Variants in GULP1 observed in about 807,000 individuals in gnomAD.
GULP1 encodes the protein PTB domain-containing engulfment adapter protein 1.
GULP1 carries 19 observed loss-of-function variants against 40.9 expected under a neutral mutation model. The ratio of observed to expected loss-of-function variants is 0.46; its 90% CI spans 0.32 to 0.68. GULP1 has a LOEUF of 0.68. Ranked by LOEUF, GULP1 falls within the 30% of genes least tolerant of loss-of-function variation. The pLI is 0.03. For synonymous variants in GULP1, 119 were observed against 117.6 expected (o/e 1.01, Z -0.08); for missense variants, 312 against 362.2 (o/e 0.86, Z 1.12).
intron 4 of GULP1, among the ~76,000 whole-genome samples, chr2:188,509,887 G>T (rs1250952237): frequency 6.6e-6 from 1 of 152,092 alleles, no homozygotes; most frequent in Non-Finnish European, 1.5e-5. Context: ...TGTGGCAGCA[G>T]GTCAGAGGTT....
intron 1 of GULP1, chr2:188,294,416 C>T (rs1379131146): frequency 1.3e-5 from 2 of 152,188 alleles, no homozygotes; most frequent in Non-Finnish European, 2.9e-5. Context: ...CAGTATTTCA[C>T]ACATTTGCCC....
rs754573431 is a variant in GULP1, at chr2:188,520,527, T to TA, written c.91-2208dup. On this transcript the variant is annotated intron_variant, in intron 4 of 11. Coordinates refer to ENST00000409830, the MANE Select transcript of GULP1 (RefSeq NM_016315.4). ...CCTGGAAACACAGCGAGACTCCATC[T>TA]AAAAAAAAAAAAAAAAAAAAAGTAA... is the stretch of plus-strand genomic sequence containing the variant. 5.8e-3 allele frequency among the ~76,000 whole-genome samples: 538 copies of TA among 92,318 alleles called. 3 individuals are homozygous for TA. Among genetic ancestry groups the TA allele is most frequent in the East Asian group, 0.026 (81 of 3,100 alleles). The allele number at this position is 92,318 out of a possible 152,430, so 60.6% of individuals were successfully genotyped here.
rs953371525 is a variant in GULP1 at position 188,541,341 on chromosome 2, G to A, written c.399+23G>A. Reference sequence around the variant, plus strand: ...TGTGTAAGTATCCCAGATGTTGTAGGGTGGTTTGTTCTGTTTTATAAGCCA... The same window carrying A: ...TGTGTAAGTATCCCAGATGTTGTAGAGTGGTTTGTTCTGTTTTATAAGCCA... On this transcript the variant is annotated intron_variant, in intron 7 of 11. Transcript: ENST00000409830. 6.2e-6 allele frequency: 10 copies of A among 1,607,150 alleles called. No homozygotes were observed. The African/African-American group carries it at 6.7e-5, about 11-fold the overall frequency.
At chr2:188,505,310 C>T (rs908658958) in intron 4 of GULP1, among the ~76,000 whole-genome samples, 1 of 151,710 alleles carries the variant, frequency 6.6e-6, no homozygotes, top group African/African-American at 2.4e-5. Flanking sequence ...CTCCTTTTCT[C>T]TTCCCTAAAA....
chr2:188,355,795 A>T (rs950825552), intron 1 of GULP1, among the ~76,000 whole-genome samples: 1 of 152,048 alleles, frequency 6.6e-6, no homozygotes, highest in Admixed American at 6.6e-5. Context: ...GCAAACCAGT[A>T]TTTTGAACTG....
intron 2 of GULP1, among the ~76,000 whole-genome samples, chr2:188,438,020 T>C (rs960760484): frequency 2.0e-5 from 3 of 151,888 alleles, no homozygotes; most frequent in Non-Finnish European, 2.9e-5. Context: ...CAGAGCTCTG[T>C]GACATGAGTT....
chr2:188,412,409 ACTGTAACTCT>A (rs370775069), intron 2 of GULP1, among the ~76,000 whole-genome samples: 5 of 152,242 alleles, frequency 3.3e-5, no homozygotes, highest in Admixed American at 6.5e-5. Context: ...CCCAGCTAAC[ACTGTAACTCT>A]CTTCTTAGCC....
intron 1 of GULP1, among the ~76,000 whole-genome samples, chr2:188,355,612 T>C (rs2045184015): frequency 6.6e-6 from 1 of 152,034 alleles, no homozygotes; most frequent in Admixed American, 6.6e-5. Flanking sequence ...GAAGAAATAA[T>C]GCCAGTTCTT....
intron 1 of GULP1, among the ~76,000 whole-genome samples, chr2:188,367,181 A>G (rs976577786): frequency 1.3e-5 from 2 of 152,160 alleles, no homozygotes; most frequent in Admixed American, 1.3e-4. Context: ...TTCAATAAAT[A>G]TTGGTTAAAT....
At chr2:188,465,983 G>A (rs1180416181) in intron 2 of GULP1, among the ~76,000 whole-genome samples, 1 of 145,530 alleles carries the variant, frequency 6.9e-6, no homozygotes, top group Non-Finnish European at 1.5e-5. Flanking sequence ...GTGTGTGTGT[G>A]TGTGTGTGTA....
chr2:188,296,196 A>G (rs2034892789), intron 1 of GULP1, among the ~76,000 whole-genome samples: 1 of 152,076 alleles, frequency 6.6e-6, no homozygotes, highest in Admixed American at 6.5e-5. Flanking sequence ...AGCATAAAAT[A>G]TACTCAGATT....
intron 4 of GULP1, among the ~76,000 whole-genome samples, chr2:188,508,749 A>G (rs563452296): frequency 6.6e-6 from 1 of 152,186 alleles, no homozygotes; most frequent in Non-Finnish European, 1.5e-5. Flanking sequence ...TAAAAGCCAC[A>G]AACCCATTAT....
Position 188,385,718 on chromosome 2 carries a change from G to A in GULP1, c.-45+1829G>A, listed in dbSNP as rs186142395. Among the ~76,000 whole-genome samples, 1,111 of 152,096 alleles carry A rather than the reference G, an allele frequency of 7.3e-3. 17 individuals are homozygous for A. Among genetic ancestry groups the A allele is most frequent in the African/African-American group, 0.025 (1,019 of 41,450 alleles). On this transcript the variant is annotated intron_variant, in intron 2 of 11. Coordinates refer to ENST00000409830, the MANE Select transcript of GULP1 (RefSeq NM_016315.4). ...TAGACATTCCTTCCTCCAGATACCC[G>A]AAATCACCTCTCTCAAGTTCAAAGT...
chr2:188,468,566 A>C (rs2060321787), intron 2 of GULP1, among the ~76,000 whole-genome samples: 1 of 152,212 alleles, frequency 6.6e-6, no homozygotes, highest in African/African-American at 2.4e-5. Flanking sequence ...AGATTTATTC[A>C]CGTTTCTAGG....
At chr2:188,327,659 ACTC>A (rs1404790939) in intron 1 of GULP1, among the ~76,000 whole-genome samples, 2 of 151,950 alleles carry the variant, frequency 1.3e-5, no homozygotes, top group Non-Finnish European at 2.9e-5. Flanking sequence ...GTGCACTTCT[ACTC>A]CTATTTGTCA....
At chr2:188,535,088 GTAAT>G (rs1284401560) in intron 6 of GULP1, among the ~76,000 whole-genome samples, 2 of 150,834 alleles carry the variant, frequency 1.3e-5, no homozygotes, top group Admixed American at 6.6e-5. Flanking sequence ...TAATATTAAA[GTAAT>G]TATTTAATGT....
intron 1 of GULP1, among the ~76,000 whole-genome samples, chr2:188,295,887 G>T (rs1376692110): frequency 6.6e-6 from 1 of 151,936 alleles, no homozygotes; most frequent in Non-Finnish European, 1.5e-5. Context: ...TTTTAAATTA[G>T]AAATCCTTAA....
intron 4 of GULP1, among the ~76,000 whole-genome samples, chr2:188,521,993 G>A (rs894470416): frequency 5.3e-5 from 8 of 152,044 alleles, no homozygotes; most frequent in Non-Finnish European, 8.8e-5. Context: ...GGAGAATGGC[G>A]TGAACCCGGG....
At chr2:188,582,565 T>A (rs1374160580) in intron 9 of GULP1, 1 of 468,150 alleles carries the variant, frequency 2.1e-6, no homozygotes, top group Non-Finnish European at 4.4e-6. Flanking sequence ...CAAGACCTCA[T>A]GTAATTTGCT....
Sources: gnomAD v4.1 joint callset for allele counts (sites outside exome capture counted in the v4.1 genomes callset) on GRCh38, gnomAD v4.1.1 for gene constraint, MANE v1.5 for transcripts, NCBI Gene and HGNC (gene_info 2026-07-23, HGNC 2026-07-21) for gene names.